The following ANGPT1 variants were observed in gnomAD, a reference collection of about 807,000 sequenced individuals.
ANGPT1 encodes angiopoietin-1.
In ANGPT1, 17 loss-of-function variants were observed where a neutral mutation model predicts 62.2. That is an observed-to-expected ratio of 0.27 (90% CI 0.19 to 0.41). The LOEUF is 0.41. ANGPT1 is among the 10% of genes least tolerant of loss of function. The probability of loss-of-function intolerance (pLI) is 1.00; values close to 1 mark genes in which losing one functional copy is unlikely to be tolerated. For synonymous variants in ANGPT1, 199 were observed against 198.9 expected (o/e 1.00, Z 0.00); for missense variants, 478 against 594.9 (o/e 0.80, Z 2.04).
chr8:107,311,263 A>G (rs992426654), intron 4 of ANGPT1, among the ~76,000 whole-genome samples: 1 of 149,974 alleles, frequency 6.7e-6, no homozygotes. Context: ...GGGGCATGCT[A>G]TATACTTTTC....
chr8:107,285,259 A>T (rs924510283), intron 6 of ANGPT1, among the ~76,000 whole-genome samples: 1 of 152,174 alleles, frequency 6.6e-6, no homozygotes. Context: ...AAGTTATTTA[A>T]CAATATTATT....
intron 1 of ANGPT1, among the ~76,000 whole-genome samples, chr8:107,495,624 G>C (rs537946692): frequency 1.3e-5 from 2 of 152,052 alleles, no homozygotes; most frequent in African/African-American, 2.4e-5. Flanking sequence ...TTTCCTTCCC[G>C]TTCCCTCAAA....
chr8:107,468,915 G>A (rs902558926), intron 1 of ANGPT1, among the ~76,000 whole-genome samples: 2 of 151,984 alleles, frequency 1.3e-5, no homozygotes, highest in Admixed American at 6.6e-5. Context: ...GTAAAAAAGA[G>A]AATAGTAACT....
chr8:107,251,680 T>G lies in ANGPT1; in HGVS notation c.*175A>C, dbSNP rs1320206743. On this transcript the variant is annotated 3_prime_UTR_variant, in exon 9 of 9. Transcript: ENST00000517746. ...CTGTCACCCCAAGTAGAGACTCTTGTGAACTCAAACGGCTCCAGATTCACG... is the reference window on the plus strand; with the variant it reads ...CTGTCACCCCAAGTAGAGACTCTTGGGAACTCAAACGGCTCCAGATTCACG... 2.7e-6 allele frequency: 2 copies of G among 751,492 alleles called. No homozygotes were observed. The highest frequency in any genetic ancestry group is 1.8e-5 in the African/African-American group (1 of 56,586). 46.6% of individuals were successfully genotyped at this position (751,492 alleles called of 1,614,324 possible). A position where few individuals can be genotyped will look rare whatever the true frequency, so the allele number is the denominator to read the frequency against.
In ANGPT1 at chr8:107,484,312, T is replaced by A. The variant is rs1250406897; in HGVS notation, c.297+12950A>T. Reference sequence around the variant, plus strand: ...TTCCTTATCTGTAAAGTGGGTTTGATAATACCTGCTATGTATTAAAATATT... The same window carrying A: ...TTCCTTATCTGTAAAGTGGGTTTGAAAATACCTGCTATGTATTAAAATATT... On this transcript the variant is annotated intron_variant, in intron 1 of 8. Coordinates refer to ENST00000517746, the MANE Select transcript of ANGPT1 (RefSeq NM_001146.5). Among the ~76,000 whole-genome samples, 3 of 152,376 alleles carry A rather than the reference T, an allele frequency of 2.0e-5. No individual in the cohort carries two copies. The South Asian group carries it at 6.2e-4, about 32-fold the overall frequency.
intron 4 of ANGPT1, among the ~76,000 whole-genome samples, chr8:107,305,481 T>C (rs1814692181): frequency 6.6e-6 from 1 of 151,918 alleles, no homozygotes; most frequent in African/African-American, 2.4e-5. Context: ...TGGCTATGTG[T>C]GGGAAGAGGA....
chr8:107,278,008 T>G (rs985268634), intron 7 of ANGPT1, among the ~76,000 whole-genome samples: 3 of 152,140 alleles, frequency 2.0e-5, no homozygotes, highest in African/African-American at 7.2e-5. Flanking sequence ...AAATTGTTTA[T>G]TGACTCAATA....
chr8:107,300,653 T>G (rs1814565304), intron 5 of ANGPT1, among the ~76,000 whole-genome samples: 1 of 151,910 alleles, frequency 6.6e-6, no homozygotes, highest in South Asian at 2.1e-4. Flanking sequence ...TAAAATTTGC[T>G]CCTTATGGGT....
chr8:107,331,922 GT>G (rs1263331893), intron 3 of ANGPT1, among the ~76,000 whole-genome samples: 1 of 152,086 alleles, frequency 6.6e-6, no homozygotes, highest in Non-Finnish European at 1.5e-5. Flanking sequence ...GTATACCCTG[GT>G]GAGACAGAAG....
At chr8:107,408,153 A>G (rs1018797765) in intron 1 of ANGPT1, among the ~76,000 whole-genome samples, 1 of 152,220 alleles carries the variant, frequency 6.6e-6, no homozygotes, top group Non-Finnish European at 1.5e-5. Context: ...TTTATCCAGC[A>G]TTAGTAACAT....
chr8:107,361,560 TTATATA>T (rs1816165455), intron 1 of ANGPT1, among the ~76,000 whole-genome samples: 1 of 24,102 alleles, frequency 4.1e-5, no homozygotes, highest in Non-Finnish European at 9.8e-5. Flanking sequence ...TATGTATATA[TTATATA>T]TCAATATAGA....
chr8:107,377,619 C>T (rs1197694432), intron 1 of ANGPT1, among the ~76,000 whole-genome samples: 1 of 152,188 alleles, frequency 6.6e-6, no homozygotes, highest in East Asian at 1.9e-4. Flanking sequence ...AGAAACTACA[C>T]TTGATGTAGA....
intron 6 of ANGPT1, among the ~76,000 whole-genome samples, chr8:107,288,501 G>C (rs1257974525): frequency 3.3e-5 from 5 of 152,008 alleles, no homozygotes; most frequent in Non-Finnish European, 5.9e-5. Context: ...AGCTGTGGGG[G>C]TTTTAAAAAA....
At chr8:107,405,303 T>C (rs1215217168) in intron 1 of ANGPT1, among the ~76,000 whole-genome samples, 2 of 151,994 alleles carry the variant, frequency 1.3e-5, no homozygotes, top group African/African-American at 2.4e-5. Context: ...ATATTTTTAA[T>C]ATTCTTTTTC....
intron 1 of ANGPT1, among the ~76,000 whole-genome samples, chr8:107,447,495 TCTTGC>T (rs1449380078): frequency 6.6e-6 from 1 of 152,348 alleles, no homozygotes; most frequent in Admixed American, 6.5e-5. Flanking sequence ...GTGGAAATGA[TCTTGC>T]CTTAGAGTGT....
At chr8:107,315,674 A>T (rs903326940) in intron 4 of ANGPT1, among the ~76,000 whole-genome samples, 4 of 151,862 alleles carry the variant, frequency 2.6e-5, no homozygotes, top group Non-Finnish European at 1.5e-5. Flanking sequence ...AAAACCTTCA[A>T]ATTTTTCTGT....
chr8:107,257,151 C>T (rs55774237), intron 8 of ANGPT1, among the ~76,000 whole-genome samples: 42,790 of 152,060 alleles, frequency 0.28, 6,323 homozygotes, highest in Middle Eastern at 0.36. Flanking sequence ...TGAGCCACCG[C>T]GCTCAGCCTC....
chr8:107,475,637 A>G (rs1353171013), intron 1 of ANGPT1, among the ~76,000 whole-genome samples: 1 of 152,252 alleles, frequency 6.6e-6, no homozygotes, highest in Non-Finnish European at 1.5e-5. Flanking sequence ...CTACCATCAG[A>G]GTGAACAGGC....
intron 4 of ANGPT1, among the ~76,000 whole-genome samples, chr8:107,317,803 G>A (rs1000995588): frequency 1.3e-5 from 2 of 151,872 alleles, no homozygotes; most frequent in African/African-American, 4.8e-5. Context: ...GCTAATTTCT[G>A]TATTTTTAGT....
Sources: gnomAD v4.1 joint callset for allele counts (sites outside exome capture counted in the v4.1 genomes callset) on GRCh38, gnomAD v4.1.1 for gene constraint, MANE v1.5 for transcripts, NCBI Gene and HGNC (gene_info 2026-07-23, HGNC 2026-07-21) for gene names.